CACNA1E: variants seen among roughly 807,000 people sequenced by gnomAD.
CACNA1E encodes the protein calcium voltage-gated channel subunit alpha1 E.
Under a neutral mutation model 259.2 loss-of-function variants are expected in CACNA1E, and 40 were observed. That is an observed-to-expected ratio of 0.15 (90% CI 0.12 to 0.20). CACNA1E has a LOEUF of 0.20. Among genes scored for constraint, CACNA1E ranks in the 10% least tolerant of loss-of-function variants. CACNA1E has a pLI of 1.00. For missense variants in CACNA1E, 1,874 were observed against 3,040.1 expected (o/e 0.62, Z 9.02); for synonymous variants, 1,104 against 1,138.5 (o/e 0.97, Z 0.61).
intron 7 of CACNA1E, among the ~76,000 whole-genome samples, chr1:181,704,452 T>A (rs1652594568): frequency 6.6e-6 from 1 of 152,210 alleles, no homozygotes; most frequent in Non-Finnish European, 1.5e-5. Flanking sequence ...TCTTGATGTC[T>A]AACCCAAATT....
At chr1:181,534,739 C>A (rs1668041002) in intron 3 of CACNA1E, among the ~76,000 whole-genome samples, 1 of 151,944 alleles carries the variant, frequency 6.6e-6, no homozygotes. Flanking sequence ...GCAAGTTCAT[C>A]AAAAAGCAAG....
chr1:181,503,825 T>G (rs1386776086), intron 1 of CACNA1E, among the ~76,000 whole-genome samples: 1 of 152,242 alleles, frequency 6.6e-6, no homozygotes, highest in African/African-American at 2.4e-5. Context: ...GAGTACTGTG[T>G]TGGGACAGCT....
intron 1 of CACNA1E, 88 bp downstream of exon 1, chr1:181,484,098 C>T: frequency 7.5e-7 from 1 of 1,330,202 alleles, no homozygotes; most frequent in Non-Finnish European, 1.1e-6. Context: ...GTATCCCCCA[C>T]CCCTTCCTGG....
intron 1 of CACNA1E, among the ~76,000 whole-genome samples, chr1:181,385,937 A>G (rs1263280907): frequency 6.6e-6 from 1 of 151,646 alleles, no homozygotes; most frequent in Non-Finnish European, 1.5e-5. Flanking sequence ...TTGATCATCT[A>G]CCATATATAT....
At chr1:181,766,473 C>A in intron 34 of CACNA1E, 73 bp from the exon 35 acceptor site, 1 of 1,029,736 alleles carries the variant, frequency 9.7e-7, no homozygotes, top group Non-Finnish European at 1.5e-6. Flanking sequence ...TCCTGTACTG[C>A]CGGTGACTGC....
chr1:181,505,585 A>G (rs1665642310), intron 1 of CACNA1E, among the ~76,000 whole-genome samples: 1 of 152,038 alleles, frequency 6.6e-6, no homozygotes, highest in Non-Finnish European at 1.5e-5. Flanking sequence ...CGTGTTAGCC[A>G]GGATGATCTT....
At chr1:181,386,779 G>A (rs1314980672) in intron 1 of CACNA1E, among the ~76,000 whole-genome samples, 15 of 152,174 alleles carry the variant, frequency 9.9e-5, no homozygotes. Flanking sequence ...GCACCCCCAT[G>A]TAGGCCCTTC....
chr1:181,723,339 C>T (rs114841703), intron 16 of CACNA1E, among the ~76,000 whole-genome samples: 1 of 152,266 alleles, frequency 6.6e-6, no homozygotes, highest in African/African-American at 2.4e-5. Flanking sequence ...TTCAGTGATT[C>T]TCTTAGTTGT....
intron 1 of CACNA1E, among the ~76,000 whole-genome samples, chr1:181,372,405 T>C (rs559190504): frequency 6.6e-6 from 1 of 152,300 alleles, no homozygotes; most frequent in East Asian, 1.9e-4. Context: ...GCTTGGATGT[T>C]ATTGGTGTAT....
chr1:181,349,096 G>A (rs559633914), intron 1 of CACNA1E, among the ~76,000 whole-genome samples: 14 of 152,080 alleles, frequency 9.2e-5, no homozygotes, highest in Admixed American at 2.6e-4. Context: ...GGGGACCCAC[G>A]GGAAGAGCAG....
intron 3 of CACNA1E, among the ~76,000 whole-genome samples, chr1:181,528,147 TG>T (rs10624478): frequency 5.9e-5 from 8 of 136,488 alleles, no homozygotes; most frequent in Non-Finnish European, 4.8e-5. Flanking sequence ...GGGCCCGGGG[TG>T]GGGGGGGCAG....
intron 1 of CACNA1E, among the ~76,000 whole-genome samples, chr1:181,492,798 C>A (rs764879042): frequency 6.6e-6 from 1 of 152,178 alleles, no homozygotes; most frequent in African/African-American, 2.4e-5. Flanking sequence ...GCTTATTTTC[C>A]TGCTCTTTTT....
intron 3 of CACNA1E, among the ~76,000 whole-genome samples, chr1:181,568,195 A>G (rs886938024): frequency 1.3e-5 from 2 of 152,108 alleles, no homozygotes; most frequent in African/African-American, 4.8e-5. Flanking sequence ...ATTTGCTTAT[A>G]CGAATCTACA....
chr1:181,573,861 G>T (rs781746883), intron 3 of CACNA1E, among the ~76,000 whole-genome samples: 1 of 152,220 alleles, frequency 6.6e-6, no homozygotes, highest in Non-Finnish European at 1.5e-5. Context: ...CAAAAGCAAA[G>T]ATGTGGAATC....
In CACNA1E at chr1:181,790,517, C is replaced by T. The variant is rs1661208441; in HGVS notation, c.5859C>T (p.Asp1953=). The T allele has an allele frequency of 6.2e-7, 1 of 1,612,950 alleles. No individual in the cohort carries two copies. Among genetic ancestry groups the T allele is most frequent in the African/African-American group, 1.3e-5 (1 of 74,896 alleles). ...ATATATTCCAGTTGGCTTGTATGGACCCCGCCGATGACGGACAGTTCCAAG... is the reference window on the plus strand; with the variant it reads ...ATATATTCCAGTTGGCTTGTATGGATCCCGCCGATGACGGACAGTTCCAAG... ...PQDIFQLACM[D]PADDGQFQER... Residue 1953 remains aspartate (D), a synonymous_variant, in exon 44 of 48, where the codon GAC becomes GAT. Coordinates refer to ENST00000367573, the MANE Select transcript of CACNA1E (RefSeq NM_001205293.3).
chr1:181,722,685 A>G (rs1041374081), intron 16 of CACNA1E, among the ~76,000 whole-genome samples: 3 of 152,220 alleles, frequency 2.0e-5, no homozygotes, highest in Non-Finnish European at 4.4e-5. Context: ...ACAAACTTCT[A>G]TACAACTGTT....
chr1:181,730,933 C>T (rs1228163909), intron 18 of CACNA1E, among the ~76,000 whole-genome samples: 1 of 152,188 alleles, frequency 6.6e-6, no homozygotes, highest in African/African-American at 2.4e-5. Context: ...AATGGCATAA[C>T]CTGTGTGCCT....
At chr1:181,531,490 A>T (rs997033807) in intron 3 of CACNA1E, among the ~76,000 whole-genome samples, 2 of 152,192 alleles carry the variant, frequency 1.3e-5, no homozygotes, top group African/African-American at 4.8e-5. Context: ...GACCCACAAT[A>T]GATGCCCAAC....
At chr1:181,711,926 G>A (rs1463777959) in intron 8 of CACNA1E, among the ~76,000 whole-genome samples, 1 of 152,188 alleles carries the variant, frequency 6.6e-6, no homozygotes, top group African/African-American at 2.4e-5. Context: ...GTTTTGAGCA[G>A]AGGACTGACG....
Sources: allele counts gnomAD v4.1 joint callset (sites outside exome capture counted in the v4.1 genomes callset), GRCh38; gene constraint gnomAD v4.1.1; transcripts MANE v1.5; gene names NCBI Gene and HGNC (gene_info 2026-07-23, HGNC 2026-07-21).